The following VAV1 variants were observed in gnomAD, a reference collection of about 807,000 sequenced individuals.
The protein encoded by VAV1 is vav guanine nucleotide exchange factor 1, also known as proto-oncogene vav.
Under a neutral mutation model 128.1 loss-of-function variants are expected in VAV1, and 33 were observed. That is an observed-to-expected ratio of 0.26 (90% CI 0.20 to 0.34). The LOEUF (loss-of-function observed/expected upper bound fraction) is 0.34, where lower values mean the gene tolerates loss of function less well. Ranked by LOEUF, VAV1 falls within the 10% of genes least tolerant of loss-of-function variation. The pLI is 1.00. For missense variants in VAV1, 715 were observed against 1,093.7 expected (o/e 0.65, Z 4.88); for synonymous variants, 394 against 409.8 (o/e 0.96, Z 0.47).
intron 22 of VAV1, among the ~76,000 whole-genome samples, chr19:6,846,078 T>C (rs1179455314): frequency 6.7e-6 from 1 of 149,144 alleles, no homozygotes; most frequent in Non-Finnish European, 1.5e-5. Context: ...TTATTATTTA[T>C]ATATGTTACA....
intron 1 of VAV1, among the ~76,000 whole-genome samples, chr19:6,773,492 C>T (rs1599607558): frequency 1.3e-5 from 2 of 152,190 alleles, no homozygotes; most frequent in South Asian, 2.1e-4. Flanking sequence ...CTTCCTTCCC[C>T]TTACATCTTC....
At chr19:6,816,912 C>T (rs1039155291) in intron 1 of VAV1, among the ~76,000 whole-genome samples, 2 of 151,572 alleles carry the variant, frequency 1.3e-5, no homozygotes, top group African/African-American at 2.4e-5. Context: ...TGCAGTGAGC[C>T]GAGATGGTGC....
At chr19:6,811,134 C>T (rs1971504177) in intron 1 of VAV1, among the ~76,000 whole-genome samples, 1 of 152,172 alleles carries the variant, frequency 6.6e-6, no homozygotes. Flanking sequence ...CTTCCAGGTT[C>T]AAGTGATCCT....
At chr19:6,851,173 G>T (rs1972669194) in intron 24 of VAV1, among the ~76,000 whole-genome samples, 1 of 151,732 alleles carries the variant, frequency 6.6e-6, no homozygotes, top group African/African-American at 2.4e-5. Context: ...GATAGATAGA[G>T]AGAGAGAGAT....
chr19:6,774,626 G>C (rs1328355923), intron 1 of VAV1, among the ~76,000 whole-genome samples: 2 of 150,342 alleles, frequency 1.3e-5, no homozygotes, highest in Non-Finnish European at 3.0e-5. Flanking sequence ...GTAGAGACAG[G>C]GTTTCACTAT....
chr19:6,843,202 G>T, intron 22 of VAV1, 36 bp downstream of exon 22: 3 of 1,613,654 alleles, frequency 1.9e-6, no homozygotes, highest in Non-Finnish European at 2.5e-6. Flanking sequence ...TCAATGAGAG[G>T]TTTCTGGGTT....
At position 6,811,612 on chromosome 19, in the gene VAV1, AG is replaced by A. The variant is rs543107256; in HGVS notation, c.205-9088del. ...CTTGAAGGATGAGTAGGAGTTCACCAGGCAAATAGGAGAGGAACTTTTAGCC... is the reference window on the plus strand; with the variant it reads ...CTTGAAGGATGAGTAGGAGTTCACCAGCAAATAGGAGAGGAACTTTTAGCC... On this transcript the variant is annotated intron_variant, in intron 1 of 26. Transcript: ENST00000602142. Among the ~76,000 whole-genome samples the A allele has an allele frequency of 3.3e-5, 5 of 152,274 alleles. No homozygotes were observed. The South Asian group carries it at 8.3e-4, about 25-fold the overall frequency.
chr19:6,780,508 C>T (rs1970745520), intron 1 of VAV1, among the ~76,000 whole-genome samples: 1 of 150,468 alleles, frequency 6.6e-6, no homozygotes, highest in Non-Finnish European at 1.5e-5. Flanking sequence ...ACCCGTACAG[C>T]ATGGGACTGC....
chr19:6,774,452 T>TTA (rs1970576652), intron 1 of VAV1, among the ~76,000 whole-genome samples: 1 of 118,360 alleles, frequency 8.4e-6, no homozygotes, highest in African/African-American at 3.4e-5. Context: ...TTTTTTTTTT[T>TTA]AAAGACAGGG....
In VAV1 at chr19:6,773,031, G is replaced by T; in HGVS notation, c.204+20G>T. The T allele has an allele frequency of 6.2e-7, 1 of 1,614,006 alleles. No individual in the cohort carries two copies. On this transcript the variant is annotated intron_variant, in intron 1 of 26. Transcript: ENST00000602142. ...TCCCAGGTGAGCCCTCCGCGGGCAG[G>T]TGTGCTGAGGGTTGGAGACGGGGGT...
chr19:6,775,828 A>C (rs1042853662), intron 1 of VAV1, among the ~76,000 whole-genome samples: 1 of 152,156 alleles, frequency 6.6e-6, no homozygotes, highest in African/African-American at 2.4e-5. Context: ...TGGGATGTGA[A>C]AGGGTAGAGG....
intron 22 of VAV1, among the ~76,000 whole-genome samples, chr19:6,844,066 T>C (rs568223906): frequency 5.1e-3 from 192 of 37,922 alleles, no homozygotes; most frequent in Admixed American, 7.9e-3. Flanking sequence ...TCTTCTTCTT[T>C]TTTTTTTTTT....
chr19:6,831,868 G>C (rs968883949), intron 14 of VAV1, among the ~76,000 whole-genome samples: 1 of 152,162 alleles, frequency 6.6e-6, no homozygotes, highest in African/African-American at 2.4e-5. Flanking sequence ...GTGTGTGTGT[G>C]TGTGTGTGTG....
At position 6,822,966 on chromosome 19, in the gene VAV1, C is replaced by T. The variant is rs890242600; in HGVS notation, c.654+452C>T. On this transcript the variant is annotated intron_variant, in intron 6 of 26. Coordinates refer to ENST00000602142, the MANE Select transcript of VAV1 (RefSeq NM_005428.4). The surrounding 1 kb of genome is among the most constrained non-coding windows in gnomAD (Gnocchi z 5.9). Reference sequence around the variant, plus strand: ...TAGAGCTATATGTAAATAATATATACAATATATAAATATATAAAATATAAA... The same window carrying T: ...TAGAGCTATATGTAAATAATATATATAATATATAAATATATAAAATATAAA... Among the ~76,000 whole-genome samples the T allele has an allele frequency of 6.9e-6, 1 of 144,202 alleles. No homozygotes were observed. The highest frequency in any genetic ancestry group is 1.5e-5 in the Non-Finnish European group (1 of 66,416). 94.6% of individuals were successfully genotyped at this position (144,202 alleles called of 152,430 possible).
chr19:6,855,835 ATCTATC>A (rs1568322152), intron 26 of VAV1, among the ~76,000 whole-genome samples: 1 of 151,626 alleles, frequency 6.6e-6, no homozygotes, highest in African/African-American at 2.4e-5. Context: ...CTATCTATCT[ATCTATC>A]TATCCATTCA....
At chr19:6,856,937 G>A in intron 26 of VAV1, 117 bp from the exon 27 acceptor site, 1 of 819,768 alleles carries the variant, frequency 1.2e-6, no homozygotes, top group Non-Finnish European at 2.1e-6. Context: ...TTCTGGGATA[G>A]ACAGAAGGAA....
chr19:6,810,578 G>A (rs930286000), intron 1 of VAV1, among the ~76,000 whole-genome samples: 7 of 151,962 alleles, frequency 4.6e-5, no homozygotes, highest in Admixed American at 1.3e-4. Flanking sequence ...GGTGGCGGGC[G>A]CCTGTAATCG....
At chr19:6,814,637 C>CCTTCCTTCCTTCCT (rs1971581742) in intron 1 of VAV1, among the ~76,000 whole-genome samples, 1 of 82,034 alleles carries the variant, frequency 1.2e-5, no homozygotes, top group African/African-American at 6.5e-5. Flanking sequence ...TTTTCTTTCT[C>CCTTCCTTCCTTCCT]TCCTTCCTTC....
chr19:6,782,638 G>C (rs1219760424), intron 1 of VAV1, among the ~76,000 whole-genome samples: 3 of 152,148 alleles, frequency 2.0e-5, no homozygotes, highest in Non-Finnish European at 4.4e-5. Flanking sequence ...CAACACTTTG[G>C]GAAGCCAAGG....
Sources: allele counts gnomAD v4.1 joint callset (sites outside exome capture counted in the v4.1 genomes callset), GRCh38; gene constraint gnomAD v4.1.1; non-coding constraint Gnocchi (gnomAD v3.1); transcripts MANE v1.5; gene names NCBI Gene and HGNC (gene_info 2026-07-23, HGNC 2026-07-21).